AFF3: variants seen among roughly 807,000 people sequenced by gnomAD.
AFF3 encodes the protein AF4/FMR2 family member 3.
In AFF3, 32 loss-of-function variants were observed where a neutral mutation model predicts 129.7. The observed-to-expected ratio is 0.25, with a 90% CI of 0.19 to 0.33. The LOEUF (loss-of-function observed/expected upper bound fraction) is 0.33, where lower values mean the gene tolerates loss of function less well. Ranked by LOEUF, AFF3 falls within the 10% of genes least tolerant of loss-of-function variation. The pLI is 1.00. For missense variants in AFF3, 1,373 were observed against 1,592.0 expected (o/e 0.86, Z 2.34); for synonymous variants, 644 against 635.4 (o/e 1.01, Z -0.20).
intron 20 of AFF3, among the ~76,000 whole-genome samples, chr2:99,560,892 T>C (rs968872401): frequency 6.6e-6 from 1 of 152,236 alleles, no homozygotes; most frequent in Non-Finnish European, 1.5e-5. Context: ...AACTTTTACT[T>C]TGACAGCTAC....
rs1684777727 is a variant in AFF3 at position 99,786,186 on chromosome 2, TCTGA to T, written c.922-33889_922-33886del. ...GAGATGAAGGGTTTGGGCTTTTTATTCTGACTGCCATTTCTTCTCTGTACTCTTG... is the reference window on the plus strand; with the variant it reads ...GAGATGAAGGGTTTGGGCTTTTTATTCTGCCATTTCTTCTCTGTACTCTTG... On this transcript the variant is annotated intron_variant, in intron 8 of 24. Coordinates refer to ENST00000672756, the MANE Select transcript of AFF3 (RefSeq NM_001386135.1). 2.6e-5 allele frequency among the ~76,000 whole-genome samples: 4 copies of T among 152,336 alleles called. No homozygotes were observed. In the South Asian group the frequency reaches 8.3e-4, roughly 32 times the overall value.
intron 1 of AFF3, among the ~76,000 whole-genome samples, chr2:100,141,569 T>C (rs1355378541): frequency 6.6e-6 from 1 of 152,238 alleles, no homozygotes. Context: ...CACCACTTTG[T>C]TATTGTAAAC....
At chr2:99,689,256 G>C (rs929591908) in intron 11 of AFF3, among the ~76,000 whole-genome samples, 4 of 152,108 alleles carry the variant, frequency 2.6e-5, no homozygotes, top group Admixed American at 2.0e-4. Context: ...TCTTAGGGTA[G>C]ACAAGGCTCT....
rs1677712451 is a variant in AFF3 at position 99,582,892 on chromosome 2, C to T, written c.2699G>A (p.Ser900Asn). The stretch of plus-strand genomic sequence containing the variant: ...AAACAAACTGTTGCCATTAGGTCGG[C>T]TGGAAGAAGTTAAGTCCTCGCTGGT... ...KYTSEDLTSS[S>N]RPNGNSLFTS... The change falls in exon 17 of 25, where the codon AGC (serine) becomes AAC (asparagine). Residue 900 changes from serine (S) to asparagine (N), a missense_variant. Ser to Asn is a conservative substitution (Grantham distance 46). This residue lies in a region of AFF3 where 466 missense variants were observed against 505.0 expected (regional missense o/e 0.92). Coordinates refer to ENST00000672756, the MANE Select transcript of AFF3 (RefSeq NM_001386135.1). 6.2e-7 allele frequency: 1 copy of T among 1,614,026 alleles called. No homozygotes were observed. The highest frequency in any genetic ancestry group is 1.3e-5 in the African/African-American group (1 of 74,902).
intron 7 of AFF3, among the ~76,000 whole-genome samples, chr2:99,980,121 C>T (rs1259214851): frequency 6.6e-6 from 1 of 152,244 alleles, no homozygotes; most frequent in East Asian, 1.9e-4. Flanking sequence ...GTTATTCAAC[C>T]TCAGCTAGTG....
intron 4 of AFF3, among the ~76,000 whole-genome samples, chr2:100,080,571 G>A (rs1688968212): frequency 6.6e-6 from 1 of 152,010 alleles, no homozygotes; most frequent in Non-Finnish European, 1.5e-5. Context: ...AGGGAGGGAG[G>A]AAAGGACAGT....
chr2:99,588,236 G>C (rs1218605519), intron 15 of AFF3, among the ~76,000 whole-genome samples: 1 of 152,036 alleles, frequency 6.6e-6, no homozygotes, highest in Non-Finnish European at 1.5e-5. Context: ...GAGTGCAGTG[G>C]TGCGATCATG....
chr2:99,971,368 A>T (rs1304805987), intron 7 of AFF3, among the ~76,000 whole-genome samples: 1 of 152,136 alleles, frequency 6.6e-6, no homozygotes, highest in East Asian at 1.9e-4. Context: ...TTTCTACCAC[A>T]TCTCATCCCA....
At chr2:99,673,860 A>G (rs1283393559) in intron 11 of AFF3, among the ~76,000 whole-genome samples, 2 of 152,166 alleles carry the variant, frequency 1.3e-5, no homozygotes, top group African/African-American at 2.4e-5. Flanking sequence ...CCACCTGTCT[A>G]TGCATGTGGG....
intron 1 of AFF3, among the ~76,000 whole-genome samples, chr2:100,136,678 C>T (rs899980898): frequency 1.3e-5 from 2 of 152,130 alleles, no homozygotes; most frequent in African/African-American, 2.4e-5. Context: ...CACACTTCCT[C>T]TTTTTCTCAT....
At chr2:99,962,338 T>C (rs957992853) in intron 7 of AFF3, among the ~76,000 whole-genome samples, 1 of 152,070 alleles carries the variant, frequency 6.6e-6, no homozygotes, top group Non-Finnish European at 1.5e-5. Context: ...AGACTCAAAA[T>C]AATAGCCAGA....
At chr2:99,684,405 T>C (rs1674837034) in intron 11 of AFF3, among the ~76,000 whole-genome samples, 1 of 152,154 alleles carries the variant, frequency 6.6e-6, no homozygotes. Flanking sequence ...GAAAACGTGC[T>C]CCCAGGACCT....
chr2:99,569,262 C>T (rs1212576403), intron 18 of AFF3, among the ~76,000 whole-genome samples: 3 of 152,016 alleles, frequency 2.0e-5, no homozygotes, highest in Non-Finnish European at 4.4e-5. Context: ...AAACAATCCC[C>T]TTTTAATGTA....
chr2:99,868,715 T>G (rs936800395), intron 7 of AFF3, among the ~76,000 whole-genome samples: 3 of 152,188 alleles, frequency 2.0e-5, no homozygotes, highest in African/African-American at 4.8e-5. Context: ...ATTCTCTGGG[T>G]GGTCACTGTG....
intron 10 of AFF3, among the ~76,000 whole-genome samples, chr2:99,737,927 G>C (rs1362783784): frequency 6.6e-6 from 1 of 150,946 alleles, no homozygotes; most frequent in East Asian, 1.9e-4. Context: ...CTAATGTGCT[G>C]TTACATCTGC....
chr2:99,907,742 G>A (rs773954524), intron 7 of AFF3, among the ~76,000 whole-genome samples: 9 of 151,922 alleles, frequency 5.9e-5, no homozygotes, highest in African/African-American at 1.5e-4. Context: ...AGGTTCAAGC[G>A]ATCCTCCCAC....
At chr2:99,574,641 T>C (rs753407773) in intron 18 of AFF3, among the ~76,000 whole-genome samples, 1 of 152,240 alleles carries the variant, frequency 6.6e-6, no homozygotes, top group Non-Finnish European at 1.5e-5. Context: ...AGCTGTTGTC[T>C]GAATCCCATG....
At chr2:99,554,288 T>C (rs764633813) in intron 24 of AFF3, 23 bp downstream of exon 24, 2 of 1,612,976 alleles carry the variant, frequency 1.2e-6, no homozygotes, top group Non-Finnish European at 1.7e-6. Context: ...AAGCCCCTGG[T>C]TCCCCGTGGG....
intron 12 of AFF3, among the ~76,000 whole-genome samples, chr2:99,668,829 TG>T (rs1239642598): frequency 6.6e-6 from 1 of 152,228 alleles, no homozygotes; most frequent in Non-Finnish European, 1.5e-5. Flanking sequence ...CCCAAAGTGC[TG>T]GGATTACAGG....
Sources: allele counts gnomAD v4.1 joint callset (sites outside exome capture counted in the v4.1 genomes callset), GRCh38; gene constraint gnomAD v4.1.1; regional missense constraint gnomAD v4.1.1; transcripts MANE v1.5; gene names NCBI Gene and HGNC (gene_info 2026-07-23, HGNC 2026-07-21).